CBFA2T2: variants seen among roughly 807,000 people sequenced by gnomAD.
CBFA2T2 encodes CBFA2/RUNX1 partner transcriptional co-repressor 2.
A neutral mutation model predicts 62.2 loss-of-function variants in CBFA2T2; 11 were observed. The observed-to-expected ratio is 0.18, with a 90% CI of 0.11 to 0.29. The LOEUF (loss-of-function observed/expected upper bound fraction) is 0.29, where lower values mean the gene tolerates loss of function less well. Ranked by LOEUF, CBFA2T2 falls within the 10% of genes least tolerant of loss-of-function variation. The probability of loss-of-function intolerance (pLI) is 1.00; values close to 1 mark genes in which losing one functional copy is unlikely to be tolerated. For missense variants in CBFA2T2, 592 were observed against 774.1 expected (o/e 0.76, Z 2.79); for synonymous variants, 295 against 287.5 (o/e 1.03, Z -0.27).
At chr20:33,567,562 A>G (rs1056914159) in intron 1 of CBFA2T2, among the ~76,000 whole-genome samples, 4 of 150,834 alleles carry the variant, frequency 2.7e-5, no homozygotes, top group African/African-American at 9.7e-5. Context: ...TACTGTGCCT[A>G]CTTTGTAAAT....
chr20:33,611,393 C>A, intron 3 of CBFA2T2, 58 bp downstream of exon 3: 2 of 1,591,746 alleles, frequency 1.3e-6, no homozygotes, highest in Non-Finnish European at 1.7e-6. Context: ...AGGTCCAAAG[C>A]GAGCAAAGTT....
intron 1 of CBFA2T2, among the ~76,000 whole-genome samples, chr20:33,529,035 TG>T (rs1401881671): frequency 2.0e-5 from 3 of 152,110 alleles, no homozygotes; most frequent in African/African-American, 7.2e-5. Flanking sequence ...TTTGTTTGTT[TG>T]TTTTTTTGAG....
intron 8 of CBFA2T2, among the ~76,000 whole-genome samples, chr20:33,636,054 G>GACC (rs1446752808): frequency 6.6e-6 from 1 of 151,930 alleles, no homozygotes; most frequent in Non-Finnish European, 1.5e-5. Context: ...TTTTGAAAGA[G>GACC]ACCACCCTGG....
intron 1 of CBFA2T2, among the ~76,000 whole-genome samples, chr20:33,567,077 AT>A (rs2013350461): frequency 6.6e-6 from 1 of 152,246 alleles, no homozygotes; most frequent in Non-Finnish European, 1.5e-5. Flanking sequence ...AAAACAACAT[AT>A]TATAACTGGT....
At chr20:33,495,030 C>G (rs2011185061) in intron 1 of CBFA2T2, among the ~76,000 whole-genome samples, 2 of 152,302 alleles carry the variant, frequency 1.3e-5, no homozygotes, top group Admixed American at 1.3e-4. Context: ...GGGTGGAGAT[C>G]ATTGATCTTG....
chr20:33,564,305 G>T (rs926548998), intron 1 of CBFA2T2, among the ~76,000 whole-genome samples: 7 of 146,538 alleles, frequency 4.8e-5, no homozygotes, highest in African/African-American at 1.8e-4. Flanking sequence ...ACTCTGTCGC[G>T]CAGGTGGAGT....
chr20:33,599,683 G>C (rs6088258), intron 1 of CBFA2T2, among the ~76,000 whole-genome samples: 1 of 151,604 alleles, frequency 6.6e-6, no homozygotes, highest in Non-Finnish European at 1.5e-5. Context: ...CCACCTCCCA[G>C]GTTCAAGTGA....
At chr20:33,643,459 C>A (rs1172840878) in intron 10 of CBFA2T2, among the ~76,000 whole-genome samples, 1 of 143,644 alleles carries the variant, frequency 7.0e-6, no homozygotes, top group Non-Finnish European at 1.5e-5. Flanking sequence ...GCCTGTAGTC[C>A]CAGCTACTCA....
intron 1 of CBFA2T2, among the ~76,000 whole-genome samples, chr20:33,512,312 C>T (rs2011524820): frequency 6.6e-6 from 1 of 151,830 alleles, no homozygotes; most frequent in Non-Finnish European, 1.5e-5. Flanking sequence ...GATGGGGCTA[C>T]TGCACTCCAG....
At chr20:33,554,740 G>A (rs1260442921) in intron 1 of CBFA2T2, among the ~76,000 whole-genome samples, 9 of 150,052 alleles carry the variant, frequency 6.0e-5, no homozygotes, top group East Asian at 3.9e-4. Context: ...CTTTTTTAAC[G>A]TTGTTTGAAA....
At chr20:33,580,874 A>T (rs909308259) in intron 1 of CBFA2T2, among the ~76,000 whole-genome samples, 1 of 152,156 alleles carries the variant, frequency 6.6e-6, no homozygotes, top group African/African-American at 2.4e-5. Flanking sequence ...ATTTATTTTT[A>T]AAAAGGCAGA....
intron 1 of CBFA2T2, among the ~76,000 whole-genome samples, chr20:33,605,615 A>G (rs540116621): frequency 1.2e-4 from 18 of 152,326 alleles, no homozygotes; most frequent in South Asian, 1.0e-3. Flanking sequence ...GCCATTTAGT[A>G]TTATCAAACA....
At chr20:33,554,463 G>C (rs1264500152) in intron 1 of CBFA2T2, among the ~76,000 whole-genome samples, 1 of 151,688 alleles carries the variant, frequency 6.6e-6, no homozygotes, top group Non-Finnish European at 1.5e-5. Flanking sequence ...TGACCAGGCT[G>C]TTCTCGAACT....
intron 1 of CBFA2T2, among the ~76,000 whole-genome samples, chr20:33,582,432 G>A (rs1467646648): frequency 1.3e-5 from 2 of 151,998 alleles, no homozygotes; most frequent in African/African-American, 2.4e-5. Flanking sequence ...AGGTTGCAGT[G>A]AGCCGAGACC....
At chr20:33,547,802 A>G (rs138458581) in intron 1 of CBFA2T2, among the ~76,000 whole-genome samples, 2,356 of 152,054 alleles carry the variant, frequency 0.015, 37 homozygotes, top group Non-Finnish European at 0.024. Flanking sequence ...CACTCCCAGT[A>G]TTTTGAATGA....
chr20:33,496,035 AATG>A (rs1203771920), intron 1 of CBFA2T2, among the ~76,000 whole-genome samples: 2 of 152,210 alleles, frequency 1.3e-5, no homozygotes, highest in Non-Finnish European at 2.9e-5. Context: ...GTCAACAGGT[AATG>A]ATAAAGTGTT....
rs146439572 is a variant in CBFA2T2 at position 33,558,554 on chromosome 20, C to A, written c.35-48402C>A. On this transcript the variant is annotated intron_variant, in intron 1 of 10. Transcript: ENST00000342704. ...ACATTCTCGACTTTGCTAATTGCAT[C>A]ATCATCTTGCCATTAACATGTTCCT... Among the ~76,000 whole-genome samples the A allele has an allele frequency of 3.2e-3, 491 of 152,200 alleles. 5 individuals are homozygous for A. The highest frequency in any genetic ancestry group is 2.4e-3 in the Non-Finnish European group (165 of 68,014).
intron 1 of CBFA2T2, among the ~76,000 whole-genome samples, chr20:33,598,589 T>C (rs2014989912): frequency 6.6e-6 from 1 of 152,154 alleles, no homozygotes; most frequent in African/African-American, 2.4e-5. Flanking sequence ...CAAACACACC[T>C]GCTGTACAAT....
intron 1 of CBFA2T2, among the ~76,000 whole-genome samples, chr20:33,533,599 A>C (rs1486128496): frequency 6.6e-6 from 1 of 152,174 alleles, no homozygotes; most frequent in Non-Finnish European, 1.5e-5. Flanking sequence ...GGCTATTGCA[A>C]ATAAAGCTTC....
Sources: gnomAD v4.1 joint callset for allele counts (sites outside exome capture counted in the v4.1 genomes callset) on GRCh38, gnomAD v4.1.1 for gene constraint, MANE v1.5 for transcripts, NCBI Gene and HGNC (gene_info 2026-07-23, HGNC 2026-07-21) for gene names.